ARHGEF28: variants seen among roughly 807,000 people sequenced by gnomAD.
ARHGEF28 encodes the protein Rho guanine nucleotide exchange factor 28, also known as 190 kDa guanine nucleotide exchange factor.
A neutral mutation model predicts 206.6 loss-of-function variants in ARHGEF28; 152 were observed. That is an observed-to-expected ratio of 0.74 (90% confidence interval 0.64 to 0.84). The LOEUF (loss-of-function observed/expected upper bound fraction) is 0.84, where lower values mean the gene tolerates loss of function less well. Ranked by LOEUF, ARHGEF28 falls within the 40% of genes least tolerant of loss-of-function variation. The pLI is 0.00. For synonymous variants in ARHGEF28, 763 were observed against 776.4 expected (o/e 0.98, Z 0.29); for missense variants, 2,028 against 2,073.2 (o/e 0.98, Z 0.42).
At chr5:73,793,403 T>C (rs1580625667) in intron 7 of ARHGEF28, among the ~76,000 whole-genome samples, 1 of 152,284 alleles carries the variant, frequency 6.6e-6, no homozygotes, top group East Asian at 1.9e-4. Flanking sequence ...TGCCCAGAAG[T>C]GAGAAGAGCT....
chr5:73,742,747 C>T (rs984841093), intron 2 of ARHGEF28, among the ~76,000 whole-genome samples: 13 of 150,016 alleles, frequency 8.7e-5, no homozygotes, highest in Admixed American at 7.3e-4. Flanking sequence ...TGGCGTGAAC[C>T]CGGGAAGCAG....
rs894798491 is a variant in ARHGEF28, at chr5:73,630,461, C to G, written c.-12+4139C>G. On this transcript the variant is annotated intron_variant, in intron 1 of 35. Transcript: ENST00000513042. ...TAACCTGCTTCAACTGTTGTGAGGA[C>G]TCCGTGATTTAATTTACAGAGAACC... 2.6e-5 allele frequency among the ~76,000 whole-genome samples: 4 copies of G among 152,300 alleles called. 1 individual carries two copies. The highest frequency in any genetic ancestry group is 6.8e-3 in the Middle Eastern group (2 of 294).
At chr5:73,805,197 CT>C (rs1200699062) in intron 9 of ARHGEF28, among the ~76,000 whole-genome samples, 1 of 151,844 alleles carries the variant, frequency 6.6e-6, no homozygotes, top group Non-Finnish European at 1.5e-5. Flanking sequence ...TTGTATATAT[CT>C]TTTTTTTAGG....
chr5:73,724,043 C>CG (rs1561358632), intron 2 of ARHGEF28, among the ~76,000 whole-genome samples: 1 of 152,172 alleles, frequency 6.6e-6, no homozygotes, highest in Non-Finnish European at 1.5e-5. Context: ...CCAGGGTCTG[C>CG]GGGGGCATCC....
At chr5:73,869,070 G>A (rs1422882139) in intron 20 of ARHGEF28, among the ~76,000 whole-genome samples, 1 of 152,154 alleles carries the variant, frequency 6.6e-6, no homozygotes, top group Non-Finnish European at 1.5e-5. Flanking sequence ...CAAAAGAGAG[G>A]AGTGGATTCT....
chr5:73,684,940 C>T, intron 2 of ARHGEF28, 56 bp downstream of exon 2: 1 of 1,565,266 alleles, frequency 6.4e-7, no homozygotes, highest in Admixed American at 1.8e-5. Flanking sequence ...AACTCCAAAC[C>T]ATGTGACTGA....
At chr5:73,660,552 C>T (rs370136991) in intron 1 of ARHGEF28, among the ~76,000 whole-genome samples, 5 of 152,236 alleles carry the variant, frequency 3.3e-5, no homozygotes, top group African/African-American at 9.6e-5. Context: ...TTACTTTGCT[C>T]AGATCCATCA....
chr5:73,772,024 G>A (rs1294872911), intron 4 of ARHGEF28, among the ~76,000 whole-genome samples: 1 of 151,996 alleles, frequency 6.6e-6, no homozygotes, highest in African/African-American at 2.4e-5. Flanking sequence ...GTAAGTTGGT[G>A]GCATTTCACT....
At chr5:73,661,912 C>A (rs539129493) in intron 1 of ARHGEF28, among the ~76,000 whole-genome samples, 1 of 152,028 alleles carries the variant, frequency 6.6e-6, no homozygotes, top group Admixed American at 6.6e-5. Flanking sequence ...AGACACGAAG[C>A]GAGCACATGC....
At chr5:73,814,250 T>C (rs1401296128) in intron 9 of ARHGEF28, among the ~76,000 whole-genome samples, 4 of 152,214 alleles carry the variant, frequency 2.6e-5, no homozygotes, top group Non-Finnish European at 5.9e-5. Flanking sequence ...TACAGTCACA[T>C]TGTAAATAGT....
rs1017120612 is a variant in ARHGEF28, at chr5:73,840,709, C to A, written c.1376C>A (p.Ser459Tyr). The A allele has an allele frequency of 3.1e-6, 5 of 1,612,012 alleles. No homozygotes were observed. The Admixed American group carries it at 8.4e-5, about 27-fold the overall frequency. ...TCGTGTGCTTCCAACTTGAATCTTT[C>A]TTTTGGTTGGCATGGATTTGAAAAG... ...SSSCASNLNL[S>Y]FGWHGFEKEQ... Residue 459 changes from serine to tyrosine, a missense_variant, in exon 11 of 36, where the codon TCT (serine) becomes TAT (tyrosine). Transcript: ENST00000513042.
At chr5:73,848,952 A>G in intron 12 of ARHGEF28, 24 bp from the exon 13 acceptor site, 1 of 1,476,918 alleles carries the variant, frequency 6.8e-7, no homozygotes, top group Non-Finnish European at 9.2e-7. Context: ...AAATTTTTAA[A>G]CACTTTATTA....
chr5:73,685,621 T>A lies in ARHGEF28; in HGVS notation c.33+737T>A, dbSNP rs867721519. Among the ~76,000 whole-genome samples the A allele has an allele frequency of 4.1e-4, 63 of 152,104 alleles. 1 individual carries two copies. The highest frequency in any genetic ancestry group is 9.4e-4 in the African/African-American group (39 of 41,508). The stretch of plus-strand genomic sequence containing the variant: ...TGAAACAAATTTTATTTTTTTTATT[T>A]TTTATTTATTTATTTATTTTGAGAT... On this transcript the variant is annotated intron_variant, in intron 2 of 35. Coordinates refer to ENST00000513042, the MANE Select transcript of ARHGEF28 (RefSeq NM_001177693.2).
At chr5:73,718,678 T>G (rs1487464542) in intron 2 of ARHGEF28, among the ~76,000 whole-genome samples, 1 of 152,148 alleles carries the variant, frequency 6.6e-6, no homozygotes, top group Non-Finnish European at 1.5e-5. Context: ...TTTGGACCCC[T>G]CCAAATCTCT....
intron 1 of ARHGEF28, among the ~76,000 whole-genome samples, chr5:73,660,366 G>A (rs768809785): frequency 6.6e-6 from 1 of 152,116 alleles, no homozygotes; most frequent in Non-Finnish European, 1.5e-5. Flanking sequence ...CATCATATCA[G>A]TAGTTATTTC....
intron 6 of ARHGEF28, chr5:73,778,242 C>A (rs1049550647): frequency 6.6e-6 from 1 of 152,214 alleles, no homozygotes; most frequent in Non-Finnish European, 1.5e-5. Flanking sequence ...GATGCTCAGA[C>A]AGCGGCATGG....
At chr5:73,926,355 T>C (rs547140049) in intron 35 of ARHGEF28, among the ~76,000 whole-genome samples, 40 of 152,316 alleles carry the variant, frequency 2.6e-4, no homozygotes, top group African/African-American at 9.6e-4. Flanking sequence ...GGTGGCAGCA[T>C]GTGCAGGTAA....
chr5:73,839,718 C>G (rs10037765), intron 10 of ARHGEF28, among the ~76,000 whole-genome samples: 65,396 of 151,992 alleles, frequency 0.43, 14,224 homozygotes, highest in East Asian at 0.57. Context: ...GAGCACGAGG[C>G]CTTACCTGCT....
Position 73,872,965 on chromosome 5 carries a change from T to C in ARHGEF28, c.2567-34T>C, listed in dbSNP as rs190477487. ...AATAGCGAAACTTGCTTTTTAAAGC[T>C]TGTTTAAGGCTTATGTGTGCTCACA... On this transcript the variant is annotated intron_variant, in intron 21 of 35. Coordinates refer to ENST00000513042, the MANE Select transcript of ARHGEF28 (RefSeq NM_001177693.2). The C allele has an allele frequency of 1.2e-5, 19 of 1,594,732 alleles. No individual in the cohort carries two copies. The East Asian group carries it at 1.8e-4, about 15-fold the overall frequency.
Sources: allele counts gnomAD v4.1 joint callset (sites outside exome capture counted in the v4.1 genomes callset), GRCh38; gene constraint gnomAD v4.1.1; transcripts MANE v1.5; gene names NCBI Gene and HGNC (gene_info 2026-07-23, HGNC 2026-07-21).